The following DCDC1 variants were observed in gnomAD, a reference collection of about 807,000 sequenced individuals.
The protein encoded by DCDC1 is doublecortin domain containing 1.
In DCDC1, 200 loss-of-function variants were observed where a neutral mutation model predicts 178.3. That is an observed-to-expected ratio of 1.12 (90% CI 1.00 to 1.26). DCDC1 has a LOEUF of 1.26. Ranked by LOEUF, DCDC1 falls within the 50% of genes most tolerant of loss-of-function variation. DCDC1 has a pLI of 0.00. For missense variants in DCDC1, 1,983 were observed against 1,749.2 expected (o/e 1.13, Z -2.38); for synonymous variants, 690 against 604.8 (o/e 1.14, Z -2.07).
At chr11:31,358,170 C>A (rs1951495040) in intron 1 of DCDC1, among the ~76,000 whole-genome samples, 1 of 151,502 alleles carries the variant, frequency 6.6e-6, no homozygotes, top group Admixed American at 6.6e-5. Context: ...AGGCATCACG[C>A]TACCTGACTT....
chr11:31,108,086 C>T (rs1958971658), intron 12 of DCDC1, among the ~76,000 whole-genome samples: 3 of 152,200 alleles, frequency 2.0e-5, no homozygotes, highest in Admixed American at 2.0e-4. Context: ...TCACGATTGG[C>T]TGTAAACTCT....
chr11:31,216,779 A>T (rs1973627517), intron 9 of DCDC1, among the ~76,000 whole-genome samples: 1 of 152,106 alleles, frequency 6.6e-6, no homozygotes. Context: ...CTTCAATTTT[A>T]AAAGATCTCC....
chr11:31,104,343 T>G (rs535456865), intron 13 of DCDC1, among the ~76,000 whole-genome samples: 53 of 152,278 alleles, frequency 3.5e-4, no homozygotes, highest in African/African-American at 1.3e-3. Context: ...GCTATTTATC[T>G]CTAGAATTAA....
intron 9 of DCDC1, among the ~76,000 whole-genome samples, chr11:31,156,880 G>A (rs1965765702): frequency 6.6e-6 from 1 of 152,080 alleles, no homozygotes; most frequent in Admixed American, 6.5e-5. Flanking sequence ...ATTTCACACT[G>A]CACATAGATG....
intron 20 of DCDC1, among the ~76,000 whole-genome samples, chr11:31,005,051 ATCTC>A (rs1951766653): frequency 6.6e-6 from 1 of 152,180 alleles, no homozygotes; most frequent in Non-Finnish European, 1.5e-5. Context: ...GATATTTTAT[ATCTC>A]TCTAACATAA....
intron 18 of DCDC1, among the ~76,000 whole-genome samples, chr11:31,075,709 G>A (rs764281456): frequency 1.8e-4 from 28 of 152,222 alleles, no homozygotes; most frequent in East Asian, 1.5e-3. Context: ...TGTCTATCAC[G>A]TCCTTCGCCC....
At chr11:31,087,504 C>T (rs911819024) in intron 17 of DCDC1, among the ~76,000 whole-genome samples, 2 of 151,992 alleles carry the variant, frequency 1.3e-5, no homozygotes, top group African/African-American at 2.4e-5. Flanking sequence ...CTGAAAACCT[C>T]GGCAGTGTTT....
intron 20 of DCDC1, among the ~76,000 whole-genome samples, chr11:31,057,102 C>T (rs1041602971): frequency 1.3e-5 from 2 of 151,820 alleles, no homozygotes; most frequent in African/African-American, 2.4e-5. Context: ...CATGGTGGTG[C>T]GTGCCTGTAA....
At chr11:30,929,508 T>C (rs1946796852) in intron 22 of DCDC1, among the ~76,000 whole-genome samples, 1 of 151,836 alleles carries the variant, frequency 6.6e-6, no homozygotes, top group Non-Finnish European at 1.5e-5. Context: ...AAAGTGGTGG[T>C]GGGTGGTTTG....
intron 29 of DCDC1, among the ~76,000 whole-genome samples, chr11:30,908,565 G>A (rs1459355416): frequency 6.6e-6 from 1 of 152,096 alleles, no homozygotes; most frequent in Non-Finnish European, 1.5e-5. Flanking sequence ...AAAATTTTTG[G>A]AAGTATGTGA....
intron 9 of DCDC1, among the ~76,000 whole-genome samples, chr11:31,213,488 G>C (rs12284448): frequency 6.6e-6 from 1 of 151,956 alleles, no homozygotes. Flanking sequence ...TTGGGAGGCC[G>C]AGATGGGCGA....
chr11:31,353,445 G>C (rs1239257720), intron 1 of DCDC1, among the ~76,000 whole-genome samples: 2 of 152,220 alleles, frequency 1.3e-5, no homozygotes, highest in South Asian at 4.2e-4. Flanking sequence ...CCAACAGATG[G>C]TATCCATTTG....
Position 30,920,914 on chromosome 11 carries a change from C to G in DCDC1, c.3155G>C (p.Ser1052Thr). Residue 1052 changes from serine to threonine, a missense_variant, in exon 25 of 39, where the codon AGT (serine) becomes ACT (threonine). Coordinates refer to ENST00000684477, the MANE Select transcript of DCDC1 (RefSeq NM_001387274.1). ...AAGCTTGCTTCCAGATACAATGTCACTTTGGACTTCTAAAACAAGAGCTGA... is the reference window on the plus strand; with the variant it reads ...AAGCTTGCTTCCAGATACAATGTCAGTTTGGACTTCTAAAACAAGAGCTGA... ...KIEALVLEVQSDIVSGSKLAV... is the reference protein window; with the variant it reads ...KIEALVLEVQTDIVSGSKLAV... 1.2e-6 allele frequency: 2 copies of G among 1,611,738 alleles called. No individual in the cohort carries two copies. Among genetic ancestry groups the G allele is most frequent in the African/African-American group, 1.3e-5 (1 of 75,036 alleles).
At chr11:31,011,550 A>C (rs1178689764) in intron 20 of DCDC1, among the ~76,000 whole-genome samples, 3 of 152,230 alleles carry the variant, frequency 2.0e-5, no homozygotes, top group East Asian at 1.9e-4. Context: ...CAAATGATAA[A>C]TATTAATATT....
intron 18 of DCDC1, among the ~76,000 whole-genome samples, chr11:31,069,390 C>T (rs895847035): frequency 6.6e-6 from 1 of 151,782 alleles, no homozygotes; most frequent in Admixed American, 6.6e-5. Flanking sequence ...TTTTTGTTTT[C>T]TTATGTCAGT....
At chr11:30,952,745 A>C (rs1265906448) in intron 20 of DCDC1, among the ~76,000 whole-genome samples, 177 bp from the exon 21 acceptor site, 1 of 152,204 alleles carries the variant, frequency 6.6e-6, no homozygotes, top group Non-Finnish European at 1.5e-5. Context: ...CTTACTAAAA[A>C]ATAATAAATT....
intron 6 of DCDC1, among the ~76,000 whole-genome samples, chr11:31,303,316 T>G (rs1948236552): frequency 6.6e-6 from 1 of 152,216 alleles, no homozygotes; most frequent in African/African-American, 2.4e-5. Flanking sequence ...AAAATACTTA[T>G]GCTCATTTAG....
chr11:31,350,927 A>ATATC (rs3059728), intron 1 of DCDC1, among the ~76,000 whole-genome samples: 1 of 151,660 alleles, frequency 6.6e-6, no homozygotes, highest in African/African-American at 2.4e-5. Context: ...AGAAATGCAA[A>ATATC]TACATTTTTT....
At position 31,328,945 on chromosome 11, in the gene DCDC1, C is replaced by CTTTTTT. The variant is rs1176942329; in HGVS notation, c.-6-665_-6-660dup. On this transcript the variant is annotated intron_variant, in intron 2 of 38. Coordinates refer to ENST00000684477, the MANE Select transcript of DCDC1 (RefSeq NM_001387274.1). ...GTTACTGAAAAAGCACACCACAAGGCTTTTTTTTTTTTTTTTTTTTTTTTT... is the reference window on the plus strand; with the variant it reads ...GTTACTGAAAAAGCACACCACAAGGCTTTTTTTTTTTTTTTTTTTTTTTTTTTTTTT... Among the ~76,000 whole-genome samples the CTTTTTT allele has an allele frequency of 3.4e-3, 163 of 47,796 alleles. 8 individuals are homozygous for CTTTTTT. The highest frequency in any genetic ancestry group is 4.5e-3 in the Non-Finnish European group (107 of 23,764). The allele number at this position is 47,796 out of a possible 152,430, so 31.4% of individuals were successfully genotyped here.
Sources: allele counts gnomAD v4.1 joint callset (sites outside exome capture counted in the v4.1 genomes callset), GRCh38; gene constraint gnomAD v4.1.1; transcripts MANE v1.5; gene names NCBI Gene and HGNC (gene_info 2026-07-23, HGNC 2026-07-21).